The following BLM variants were observed in gnomAD, a reference collection of about 807,000 sequenced individuals.
BLM encodes recQ-like DNA helicase BLM.
BLM carries 95 observed loss-of-function variants against 135.3 expected under a neutral mutation model. The observed-to-expected ratio is 0.70, with a 90% CI of 0.59 to 0.83. The LOEUF (loss-of-function observed/expected upper bound fraction) is 0.83, where lower values mean the gene tolerates loss of function less well. Ranked by LOEUF, BLM falls within the 40% of genes least tolerant of loss-of-function variation. The pLI is 0.00. For synonymous variants in BLM, 520 were observed against 589.2 expected (o/e 0.88, Z 1.70); for missense variants, 1,518 against 1,663.9 (o/e 0.91, Z 1.53).
chr15:90,793,065 A>G (rs938191440), intron 15 of BLM, among the ~76,000 whole-genome samples: 1 of 151,708 alleles, frequency 6.6e-6, no homozygotes, highest in African/African-American at 2.4e-5. Flanking sequence ...TTAAGTCCTG[A>G]TAGCAGCAAC....
intron 21 of BLM, among the ~76,000 whole-genome samples, chr15:90,812,150 G>A (rs28385164): frequency 1.8e-3 from 270 of 152,162 alleles, no homozygotes; most frequent in Non-Finnish European, 3.0e-3. Flanking sequence ...TACTTGCTCC[G>A]CTGCTTTTAT....
At chr15:90,789,344 T>C (rs1896840534) in intron 14 of BLM, among the ~76,000 whole-genome samples, 1 of 151,998 alleles carries the variant, frequency 6.6e-6, no homozygotes, top group African/African-American at 2.4e-5. Context: ...TCAGAAAGAG[T>C]TGGCAGCCTT....
rs367543032 is a variant in BLM, at chr15:90,794,338, A to G, written c.3191A>G (p.Asp1064Gly). The G allele has an allele frequency of 5.6e-6, 9 of 1,598,472 alleles. No individual in the cohort carries two copies. Among genetic ancestry groups the G allele is most frequent in the Non-Finnish European group, 7.7e-6 (9 of 1,173,614 alleles). The change falls in exon 16 of 22, where the codon GAT (aspartate) becomes GGT (glycine). Residue 1064 changes from aspartate to glycine, a missense_variant. Transcript: ENST00000355112. ...AAGAAACACCCAGATGTTTCTTGTG[A>G]TAATTGCTGTAAAACAAAGGTAAAA... ...FCKKHPDVSC[D>G]NCCKTKDYKT...
intron 20 of BLM, 84 bp downstream of exon 20, chr15:90,809,343 G>T: frequency 6.3e-7 from 1 of 1,597,464 alleles, no homozygotes; most frequent in Non-Finnish European, 8.6e-7. Context: ...ATGCAGTTGT[G>T]TGAATGCTTC....
chr15:90,765,623 T>C (rs571526601), intron 9 of BLM, among the ~76,000 whole-genome samples: 54 of 152,350 alleles, frequency 3.5e-4, no homozygotes, highest in Middle Eastern at 3.4e-3. Context: ...AGTAAGAACT[T>C]TTAACCAATG....
At chr15:90,747,616 T>C in intron 2 of BLM, 126 bp downstream of exon 2, 1 of 726,636 alleles carries the variant, frequency 1.4e-6, no homozygotes, top group Non-Finnish European at 2.4e-6. Context: ...TTCATTGATT[T>C]TCCCACTTTG....
chr15:90,777,651 G>C (rs942261915), intron 12 of BLM, among the ~76,000 whole-genome samples: 1 of 152,132 alleles, frequency 6.6e-6, no homozygotes, highest in Admixed American at 6.5e-5. Context: ...AGAAACAGTA[G>C]AATCTAACTT....
Position 90,763,155 on chromosome 15 carries a change from C to T in BLM, c.2072C>T (p.Thr691Ile), listed in dbSNP as rs1896032772. 1 of 1,613,806 alleles carries T rather than the reference C, an allele frequency of 6.2e-7. No homozygotes were observed. The change falls in exon 8 of 22, where the codon ACT (threonine) becomes ATT (isoleucine). Residue 691 changes from threonine to isoleucine, a missense_variant and splice_region_variant. Coordinates refer to ENST00000355112, the MANE Select transcript of BLM (RefSeq NM_000057.4). ...LGEDCFILMPTGGGKSLCYQL... is the reference protein window; with the variant it reads ...LGEDCFILMPIGGGKSLCYQL... ...GAAGACTGTTTTATCCTGATGCCGA[C>T]TGGTATGTATTTTTAGAAGTGAATT...
chr15:90,770,425 C>T (rs1397707168), intron 12 of BLM, among the ~76,000 whole-genome samples: 1 of 152,204 alleles, frequency 6.6e-6, no homozygotes, highest in Non-Finnish European at 1.5e-5. Flanking sequence ...ATCCGCCCGC[C>T]TTGGCCTCCC....
Position 90,809,213 on chromosome 15 carries a change from G to A in BLM, c.3828G>A (p.Ala1276=), listed in dbSNP as rs369383272. 1.9e-4 allele frequency: 303 copies of A among 1,614,066 alleles called. No individual in the cohort carries two copies. The highest frequency in any genetic ancestry group is 2.4e-4 in the Non-Finnish European group (280 of 1,180,044). Residue 1276 remains alanine (A), a synonymous_variant, in exon 20 of 22, where the codon GCG becomes GCA. Transcript: ENST00000355112. The part of the protein sequence containing the change: ...VTEDKLEKYG[A]EVISVLQKYS... ...AAGACAAACTGGAAAAATATGGTGCGGAAGTGATTTCAGTATTACAGAAAT... is the reference window on the plus strand; with the variant it reads ...AAGACAAACTGGAAAAATATGGTGCAGAAGTGATTTCAGTATTACAGAAAT...
intron 1 of BLM, among the ~76,000 whole-genome samples, chr15:90,720,822 A>T (rs933830304): frequency 1.3e-5 from 2 of 152,046 alleles, no homozygotes; most frequent in Non-Finnish European, 2.9e-5. Context: ...TCGAACTCGT[A>T]GGCTCAAGCA....
At chr15:90,780,412 G>T (rs1472812184) in intron 12 of BLM, among the ~76,000 whole-genome samples, 1 of 151,998 alleles carries the variant, frequency 6.6e-6, no homozygotes. Context: ...TAGAGACGAG[G>T]GTCTCACTTT....
At chr15:90,757,056 A>T (rs1895838247) in intron 5 of BLM, among the ~76,000 whole-genome samples, 1 of 152,228 alleles carries the variant, frequency 6.6e-6, no homozygotes, top group South Asian at 2.1e-4. Flanking sequence ...CTTTTAAAAA[A>T]GGAAATACAT....
intron 17 of BLM, among the ~76,000 whole-genome samples, chr15:90,803,004 A>C (rs1433395292): frequency 6.6e-6 from 1 of 152,066 alleles, no homozygotes; most frequent in Non-Finnish European, 1.5e-5. Flanking sequence ...AAATATTTAA[A>C]ATTTTTAAAT....
chr15:90,782,197 G>A (rs939015034), intron 12 of BLM, among the ~76,000 whole-genome samples: 1 of 152,148 alleles, frequency 6.6e-6, no homozygotes, highest in African/African-American at 2.4e-5. Flanking sequence ...AGACCAGCCT[G>A]GCCAACATGG....
chr15:90,735,971 C>A (rs922202104), intron 1 of BLM, among the ~76,000 whole-genome samples: 1 of 152,138 alleles, frequency 6.6e-6, no homozygotes, highest in Admixed American at 6.5e-5. Flanking sequence ...TGAGCAGATA[C>A]AATTTTTTAA....
intron 21 of BLM, among the ~76,000 whole-genome samples, chr15:90,813,913 T>C (rs990748810): frequency 1.3e-5 from 2 of 152,204 alleles, no homozygotes; most frequent in African/African-American, 2.4e-5. Flanking sequence ...CAACACACAA[T>C]GAACCAGTTG....
chr15:90,752,702 T>C (rs2151150383), intron 4 of BLM, among the ~76,000 whole-genome samples: 1 of 152,252 alleles, frequency 6.6e-6, no homozygotes, highest in Admixed American at 6.5e-5. Context: ...ACGAGAAAAA[T>C]AGATACTCCA....
chr15:90,760,647 G>T lies in BLM; in HGVS notation c.1274G>T (p.Gly425Val), dbSNP rs1244225539. 1 of 1,613,022 alleles carries T rather than the reference G, an allele frequency of 6.2e-7. No individual in the cohort carries two copies. Among genetic ancestry groups the T allele is most frequent in the East Asian group, 2.2e-5 (1 of 44,850 alleles). Residue 425 changes from glycine (G) to valine (V), a missense_variant, in exon 7 of 22, where the codon GGC (glycine) becomes GTC (valine). Gly to Val is a moderately radical substitution (Grantham distance 109). Coordinates refer to ENST00000355112, the MANE Select transcript of BLM (RefSeq NM_000057.4). ...DFNKSDASLL[G>V]SLWRYRPDSL... Reference sequence around the variant, plus strand: ...AATAAAAGTGATGCCAGTCTTCTTGGCTCATTGTGGAGATACAGGCCTGAT... The same window carrying T: ...AATAAAAGTGATGCCAGTCTTCTTGTCTCATTGTGGAGATACAGGCCTGAT...
Sources: gnomAD v4.1 joint callset for allele counts (sites outside exome capture counted in the v4.1 genomes callset) on GRCh38, gnomAD v4.1.1 for gene constraint, MANE v1.5 for transcripts, NCBI Gene and HGNC (gene_info 2026-07-23, HGNC 2026-07-21) for gene names.